NPLOC4: variants seen among roughly 807,000 people sequenced by gnomAD.
NPLOC4 encodes the protein NPL4 homolog, ubiquitin recognition factor, also known as nuclear protein localization protein 4 homolog.
NPLOC4 carries 18 observed loss-of-function variants against 80.6 expected under a neutral mutation model. The observed-to-expected ratio is 0.22, with a 90% CI of 0.15 to 0.33. The LOEUF (loss-of-function observed/expected upper bound fraction) is 0.33, where lower values mean the gene tolerates loss of function less well. Among genes scored for constraint, NPLOC4 ranks in the 10% least tolerant of loss-of-function variants. The pLI is 1.00. For missense variants in NPLOC4, 540 were observed against 786.1 expected (o/e 0.69, Z 3.74); for synonymous variants, 313 against 301.5 (o/e 1.04, Z -0.39).
At chr17:81,591,591 T>C (rs2034746773) in intron 11 of NPLOC4, among the ~76,000 whole-genome samples, 1 of 151,860 alleles carries the variant, frequency 6.6e-6, no homozygotes, top group African/African-American at 2.4e-5. Context: ...AGGCTGTTTA[T>C]AAACAGCAAA....
chr17:81,615,436 A>G (rs1308092674), intron 3 of NPLOC4, among the ~76,000 whole-genome samples: 1 of 152,088 alleles, frequency 6.6e-6, no homozygotes, highest in Non-Finnish European at 1.5e-5. Flanking sequence ...ACATATTCCT[A>G]AACACCATCT....
intron 2 of NPLOC4, among the ~76,000 whole-genome samples, chr17:81,628,849 C>T (rs908331323): frequency 3.3e-5 from 5 of 151,384 alleles, no homozygotes; most frequent in Middle Eastern, 3.4e-3. Flanking sequence ...AGGGATGATT[C>T]TTTGAGTCAA....
intron 11 of NPLOC4, among the ~76,000 whole-genome samples, chr17:81,593,189 A>G (rs1248201477): frequency 6.6e-6 from 1 of 152,110 alleles, no homozygotes; most frequent in Non-Finnish European, 1.5e-5. Context: ...ACAGACAGGC[A>G]CAGTTGTAAT....
At chr17:81,571,841 G>A (rs1285352769) in intron 13 of NPLOC4, among the ~76,000 whole-genome samples, 176 bp downstream of exon 13, 3 of 152,116 alleles carry the variant, frequency 2.0e-5, no homozygotes, top group East Asian at 1.9e-4. Context: ...CAGCAACACC[G>A]CATGCTCAGT....
intron 16 of NPLOC4, chr17:81,562,699 A>C (rs892770024): frequency 5.9e-5 from 9 of 152,336 alleles, no homozygotes; most frequent in African/African-American, 2.2e-4. Flanking sequence ...CTGCAATCTC[A>C]GCACTGAGGC....
intron 8 of NPLOC4, among the ~76,000 whole-genome samples, chr17:81,602,481 G>T (rs2035083501): frequency 6.6e-6 from 1 of 151,782 alleles, no homozygotes; most frequent in South Asian, 2.1e-4. Flanking sequence ...GAGGCGGGTG[G>T]ATCACGAGGT....
intron 12 of NPLOC4, among the ~76,000 whole-genome samples, chr17:81,588,596 C>T (rs959418195): frequency 1.3e-5 from 2 of 152,120 alleles, no homozygotes; most frequent in African/African-American, 4.8e-5. Flanking sequence ...AATCCTCCTG[C>T]CTTGGCCTCC....
At position 81,580,108 on chromosome 17, in the gene NPLOC4, C is replaced by G. The variant is rs1163086017; in HGVS notation, c.1282-8020G>C. Among the ~76,000 whole-genome samples, 2 of 152,172 alleles carry G rather than the reference C, an allele frequency of 1.3e-5. No individual in the cohort carries two copies. The highest frequency in any genetic ancestry group is 1.3e-4 in the Admixed American group (2 of 15,282). On this transcript the variant is annotated intron_variant, in intron 12 of 16. Coordinates refer to ENST00000331134, the MANE Select transcript of NPLOC4 (RefSeq NM_017921.4). This position sits in a 1 kb window ranked among gnomAD's most constrained non-coding sequence, Gnocchi z 4.4. ...CTCCCAGTGCTCTCCACCTCATTCC[C>G]CCAAGGTGGGGTTCTCCTCAGCCAT... is the stretch of plus-strand genomic sequence containing the variant.
chr17:81,582,065 G>A (rs1223368439), intron 12 of NPLOC4, among the ~76,000 whole-genome samples: 5 of 152,202 alleles, frequency 3.3e-5, no homozygotes, highest in Non-Finnish European at 1.5e-5. Flanking sequence ...CACCCGAGGG[G>A]CCCAGACACC....
At chr17:81,627,994 C>T (rs924592913) in intron 2 of NPLOC4, among the ~76,000 whole-genome samples, 2 of 151,724 alleles carry the variant, frequency 1.3e-5, no homozygotes, top group South Asian at 2.1e-4. Context: ...GGGCAGATCA[C>T]GAGGTCAGGA....
chr17:81,590,455 G>C (rs2034709544), intron 11 of NPLOC4, among the ~76,000 whole-genome samples: 1 of 152,204 alleles, frequency 6.6e-6, no homozygotes, highest in Non-Finnish European at 1.5e-5. Flanking sequence ...CACCGCTGCA[G>C]AAGTGTGCTT....
intron 16 of NPLOC4, chr17:81,563,178 G>A (rs372483015): frequency 0.12 from 17,855 of 151,444 alleles, 1,260 homozygotes; most frequent in Admixed American, 0.22. Context: ...TGGGTCAAGT[G>A]ATTCTCCTGC....
At chr17:81,587,085 C>T (rs1390843217) in intron 12 of NPLOC4, among the ~76,000 whole-genome samples, 2 of 152,182 alleles carry the variant, frequency 1.3e-5, no homozygotes, top group East Asian at 3.8e-4. Flanking sequence ...CAGCTGCAGA[C>T]CCACATATGC....
chr17:81,579,183 G>A (rs1482122261), intron 12 of NPLOC4, among the ~76,000 whole-genome samples: 1 of 152,168 alleles, frequency 6.6e-6, no homozygotes, highest in Non-Finnish European at 1.5e-5. Flanking sequence ...AGACCAGCCT[G>A]GCCAACATGG....
Position 81,564,019 on chromosome 17 carries a change from T to C in NPLOC4, c.1669+1486A>G, listed in dbSNP as rs1338073697. The stretch of plus-strand genomic sequence containing the variant: ...TTGCTTCAACCCAGGAGGCAGAGTT[T>C]GCAGTGAGCTAAGATTGCGCCACTG... On this transcript the variant is annotated intron_variant, in intron 16 of 16. Coordinates refer to ENST00000331134, the MANE Select transcript of NPLOC4 (RefSeq NM_017921.4). The C allele has an allele frequency of 9.2e-6, 4 of 435,994 alleles. No homozygotes were observed. The East Asian group carries it at 2.9e-4, about 31-fold the overall frequency. 27.0% of individuals were successfully genotyped at this position (435,994 alleles called of 1,614,324 possible). A position where few individuals can be genotyped will look rare whatever the true frequency, so the allele number is the denominator to read the frequency against.
At chr17:81,624,305 C>T (rs1181814742) in intron 2 of NPLOC4, among the ~76,000 whole-genome samples, 1 of 152,188 alleles carries the variant, frequency 6.6e-6, no homozygotes. Flanking sequence ...GTTATCCCAG[C>T]TACTCAGGAG....
At chr17:81,606,862 G>T (rs1165657554) in intron 6 of NPLOC4, 48 bp from the exon 7 acceptor site, 5 of 1,569,212 alleles carry the variant, frequency 3.2e-6, no homozygotes, top group Admixed American at 1.7e-5. Flanking sequence ...GAAAAGTTGA[G>T]CAAGAGGCTG....
At chr17:81,628,224 G>GA (rs538884096) in intron 2 of NPLOC4, among the ~76,000 whole-genome samples, 12,969 of 120,654 alleles carry the variant, frequency 0.11, 814 homozygotes, top group Admixed American at 0.24. Context: ...AAAAAAAAAA[G>GA]AAAAAAAAAA....
chr17:81,619,501 G>A (rs2035604091), intron 3 of NPLOC4, among the ~76,000 whole-genome samples: 1 of 143,338 alleles, frequency 7.0e-6, no homozygotes, highest in Admixed American at 7.3e-5. Flanking sequence ...GGTGAGCTGA[G>A]ACCATGCCAC....
Sources: gnomAD v4.1 joint callset for allele counts (sites outside exome capture counted in the v4.1 genomes callset) on GRCh38, gnomAD v4.1.1 for gene constraint, Gnocchi (gnomAD v3.1) non-coding constraint, MANE v1.5 for transcripts, NCBI Gene and HGNC (gene_info 2026-07-23, HGNC 2026-07-21) for gene names.